CCDC171: variants seen among roughly 807,000 people sequenced by gnomAD.
The protein encoded by CCDC171 is coiled-coil domain-containing protein 171.
A neutral mutation model predicts 168.2 loss-of-function variants in CCDC171; 177 were observed. That is an observed-to-expected ratio of 1.05 (90% CI 0.93 to 1.19). The LOEUF is 1.19. Among genes scored for constraint, CCDC171 ranks in the 50% most tolerant of loss-of-function variants. The pLI, the probability that CCDC171 is intolerant of heterozygous loss-of-function variation, is 0.00. For missense variants in CCDC171, 1,991 were observed against 1,539.0 expected (o/e 1.29, Z -4.91); for synonymous variants, 687 against 540.8 (o/e 1.27, Z -3.75).
At chr9:15,623,827 T>A (rs1205799939) in intron 7 of CCDC171, among the ~76,000 whole-genome samples, 1 of 152,208 alleles carries the variant, frequency 6.6e-6, no homozygotes, top group East Asian at 1.9e-4. Context: ...CATGTATGGT[T>A]TTGTGGAATG....
intron 7 of CCDC171, among the ~76,000 whole-genome samples, chr9:15,639,205 G>A (rs2046415954): frequency 6.6e-6 from 1 of 151,938 alleles, no homozygotes; most frequent in South Asian, 2.1e-4. Flanking sequence ...GTGTTTGTAG[G>A]AATCATTTTC....
chr9:15,986,166 A>G (rs981124721), intron 3 of CCDC171, among the ~76,000 whole-genome samples: 1 of 152,238 alleles, frequency 6.6e-6, no homozygotes, highest in African/African-American at 2.4e-5. Context: ...GTTCTAAAAC[A>G]GAAGAAGATT....
intron 8 of CCDC171, among the ~76,000 whole-genome samples, chr9:15,659,780 T>C (rs2048186019): frequency 6.6e-6 from 1 of 152,202 alleles, no homozygotes; most frequent in Admixed American, 6.5e-5. Flanking sequence ...AAAGTAGCTA[T>C]AAGCAGATAG....
At chr9:15,799,166 A>ATATATATC (rs2058701375) in intron 21 of CCDC171, among the ~76,000 whole-genome samples, 1 of 130,466 alleles carries the variant, frequency 7.7e-6, no homozygotes, top group Non-Finnish European at 1.6e-5. Context: ...ATATATATAT[A>ATATATATC]CCATTTTGAT....
At chr9:15,664,265 T>C (rs1186811356) in intron 8 of CCDC171, among the ~76,000 whole-genome samples, 1 of 152,166 alleles carries the variant, frequency 6.6e-6, no homozygotes, top group Non-Finnish European at 1.5e-5. Context: ...TTATTTATTT[T>C]TGAGACAGGT....
chr9:15,877,478 C>T (rs905797946), intron 24 of CCDC171, among the ~76,000 whole-genome samples: 9 of 151,856 alleles, frequency 5.9e-5, no homozygotes, highest in Non-Finnish European at 1.3e-4. Context: ...TTCCCTGTTT[C>T]TTCAAAAACT....
At chr9:15,820,885 AAAG>A (rs1344374617) in intron 21 of CCDC171, among the ~76,000 whole-genome samples, 4 of 116,960 alleles carry the variant, frequency 3.4e-5, no homozygotes, top group Non-Finnish European at 7.7e-5. Context: ...CACAACAAAA[AAAG>A]AGAATTTTAG....
chr9:15,648,860 C>T (rs1020273135), intron 7 of CCDC171, among the ~76,000 whole-genome samples: 16 of 152,154 alleles, frequency 1.1e-4, no homozygotes, highest in African/African-American at 3.9e-4. Context: ...CCCCATCAAG[C>T]TACCAATGAC....
At chr9:15,639,370 C>T (rs982943213) in intron 7 of CCDC171, among the ~76,000 whole-genome samples, 1 of 151,888 alleles carries the variant, frequency 6.6e-6, no homozygotes, top group South Asian at 2.1e-4. Context: ...GGTAAATACT[C>T]AAGTTTTTTT....
chr9:15,578,710 C>T, intron 3 of CCDC171, 139 bp from the exon 4 acceptor site: 2 of 485,526 alleles, frequency 4.1e-6, no homozygotes, highest in Middle Eastern at 5.5e-4. Context: ...GCTTTCTTTC[C>T]AGTGATTCAG....
chr9:15,625,372 T>C (rs1364986962), intron 7 of CCDC171, among the ~76,000 whole-genome samples: 2 of 152,220 alleles, frequency 1.3e-5, no homozygotes, highest in Non-Finnish European at 2.9e-5. Flanking sequence ...TTTGGTGTTT[T>C]AGTTATGAAG....
chr9:15,923,624 A>G (rs902982554), intron 25 of CCDC171, among the ~76,000 whole-genome samples: 14 of 151,322 alleles, frequency 9.3e-5, no homozygotes, highest in Non-Finnish European at 1.9e-4. Context: ...ATTCTTGAAA[A>G]GTGCAAAGAG....
the CCDC171 span, among the ~76,000 whole-genome samples, chr9:16,085,598 A>G: frequency 6.6e-6 from 1 of 152,194 alleles, no homozygotes; most frequent in Non-Finnish European, 1.5e-5. Context: ...GGCTGACTCT[A>G]ACTCACAGCT....
chr9:16,042,803 T>C (rs1248696343), exon 1 of CCDC171: 1 of 152,068 alleles, frequency 6.6e-6, no homozygotes, highest in Non-Finnish European at 1.5e-5. Context: ...AATAGTTCAT[T>C]AAAGAAGATG....
At chr9:15,687,825 A>G (rs747815066) in intron 10 of CCDC171, among the ~76,000 whole-genome samples, 2 of 152,218 alleles carry the variant, frequency 1.3e-5, no homozygotes, top group African/African-American at 2.4e-5. Context: ...ACTGGTTAAG[A>G]AGAAATATAA....
chr9:15,724,818 C>A lies in CCDC171; in HGVS notation c.1534C>A (p.His512Asn). 6.2e-7 allele frequency: 1 copy of A among 1,613,656 alleles called. No individual in the cohort carries two copies. The highest frequency in any genetic ancestry group is 1.1e-5 in the South Asian group (1 of 91,020). Residue 512 changes from histidine to asparagine, a missense_variant, in exon 14 of 26, where the codon CAT becomes AAT. Physicochemically the swap from His to Asn is moderately conservative, Grantham distance 68. Transcript: ENST00000380701. ...KLADVNKELSHLHTKCADREA... is the reference protein window; with the variant it reads ...KLADVNKELSNLHTKCADREA... ...GGCTGATGTTAATAAAGAGTTAAGT[C>A]ATTTACACACTAAATGTGCAGACCG... is the stretch of plus-strand genomic sequence containing the variant.
At chr9:15,836,670 C>G (rs2136310738) in intron 21 of CCDC171, among the ~76,000 whole-genome samples, 1 of 152,284 alleles carries the variant, frequency 6.6e-6, no homozygotes, top group Non-Finnish European at 1.5e-5. Context: ...TTAAAGGTGT[C>G]TACATGGGAC....
chr9:15,893,849 C>T (rs1273136920), intron 24 of CCDC171, among the ~76,000 whole-genome samples: 1 of 152,098 alleles, frequency 6.6e-6, no homozygotes, highest in Non-Finnish European at 1.5e-5. Flanking sequence ...AGTTCAACCA[C>T]TGTGGAAGAC....
In CCDC171 at chr9:15,784,767, T is replaced by C. The variant is rs2057851086; in HGVS notation, c.3267+73T>C. On this transcript the variant is annotated intron_variant, in intron 21 of 25. Coordinates refer to ENST00000380701, the MANE Select transcript of CCDC171 (RefSeq NM_173550.4). ...GTGGATCTTAGAGGGAATTATGATA[T>C]CTCCTGAATAGGAATAGATCCCAAG... 1.2e-5 allele frequency: 13 copies of C among 1,121,704 alleles called. No homozygotes were observed. The East Asian group carries it at 3.0e-4, about 26-fold the overall frequency. The allele number at this position is 1,121,704 out of a possible 1,614,324, so 69.5% of individuals were successfully genotyped here.
Sources: gnomAD v4.1 joint callset for allele counts (sites outside exome capture counted in the v4.1 genomes callset) on GRCh38, gnomAD v4.1.1 for gene constraint, MANE v1.5 for transcripts, NCBI Gene and HGNC (gene_info 2026-07-23, HGNC 2026-07-21) for gene names.